The following PHF20 variants were observed in gnomAD, a reference collection of about 807,000 sequenced individuals.
PHF20 encodes the protein glioma-expressed antigen 2.
Under a neutral mutation model 113.5 loss-of-function variants are expected in PHF20, and 23 were observed. That is an observed-to-expected ratio of 0.20 (90% CI 0.15 to 0.29). The LOEUF is 0.29. Ranked by LOEUF, PHF20 falls within the 10% of genes least tolerant of loss-of-function variation. The pLI is 1.00. For missense variants in PHF20, 943 were observed against 1,219.6 expected, an observed-to-expected ratio of 0.77 and a Z score of 3.38; for synonymous variants, 434 against 457.3, an observed-to-expected ratio of 0.95 and a Z score of 0.65.
At chr20:35,912,084 G>A (rs1297968183) in intron 10 of PHF20, among the ~76,000 whole-genome samples, 2 of 150,618 alleles carry the variant, frequency 1.3e-5, no homozygotes, top group Non-Finnish European at 3.0e-5. Flanking sequence ...GTGTTCAAGC[G>A]ATTCTCCTGC....
At chr20:35,915,083 C>G (rs996769990) in intron 12 of PHF20, among the ~76,000 whole-genome samples, 1 of 147,290 alleles carries the variant, frequency 6.8e-6, no homozygotes, top group Non-Finnish European at 1.5e-5. Context: ...CACACACTTA[C>G]ACACATATAT....
In PHF20 at chr20:35,802,008, T is replaced by C. The variant is rs151005421; in HGVS notation, c.83+403T>C. 33 of 159,048 alleles carry C rather than the reference T, an allele frequency of 2.1e-4. No homozygotes were observed. In the East Asian group the frequency reaches 3.1e-3, roughly 15 times the overall value. The allele number at this position is 159,048 out of a possible 1,614,324, so 9.9% of individuals were successfully genotyped here. ...GTGTTGTGAACACCCCATCCTATTTTCTGGGCATGATCTTGTATGTTGAAA... is the reference window on the plus strand; with the variant it reads ...GTGTTGTGAACACCCCATCCTATTTCCTGGGCATGATCTTGTATGTTGAAA... On this transcript the variant is annotated intron_variant, in intron 2 of 17. Coordinates refer to ENST00000374012, the MANE Select transcript of PHF20 (RefSeq NM_016436.5).
At chr20:35,817,096 G>A (rs2042089580) in intron 2 of PHF20, among the ~76,000 whole-genome samples, 1 of 149,226 alleles carries the variant, frequency 6.7e-6, no homozygotes, top group Non-Finnish European at 1.5e-5. Flanking sequence ...GGCCATAAGT[G>A]TTGTTGTTGT....
chr20:35,794,176 C>T (rs563860273), intron 1 of PHF20, among the ~76,000 whole-genome samples: 1 of 151,672 alleles, frequency 6.6e-6, no homozygotes, highest in African/African-American at 2.4e-5. Context: ...TGGCACATAC[C>T]TGTAATCCTA....
chr20:35,802,613 C>G (rs969621503), intron 2 of PHF20, among the ~76,000 whole-genome samples: 3 of 152,100 alleles, frequency 2.0e-5, no homozygotes, highest in Non-Finnish European at 4.4e-5. Flanking sequence ...ATAGAAGCAG[C>G]TGGTACAGAA....
intron 10 of PHF20, among the ~76,000 whole-genome samples, chr20:35,903,174 T>C (rs553635645): frequency 1.3e-5 from 2 of 151,342 alleles, no homozygotes; most frequent in South Asian, 4.2e-4. Context: ...TTCTCTCTGT[T>C]AATACTGAAG....
chr20:35,879,672 C>T (rs1487847917), intron 9 of PHF20, among the ~76,000 whole-genome samples: 1 of 147,692 alleles, frequency 6.8e-6, no homozygotes, highest in African/African-American at 2.5e-5. Context: ...ATGGTGGTTA[C>T]ATGGTATATG....
chr20:35,786,651 G>A (rs531065180), intron 1 of PHF20, among the ~76,000 whole-genome samples: 3 of 152,228 alleles, frequency 2.0e-5, no homozygotes, highest in East Asian at 3.9e-4. Context: ...GCAGTGAGCC[G>A]AGATTGAGCC....
chr20:35,858,228 G>C, intron 4 of PHF20, 74 bp from the exon 5 acceptor site: 1 of 774,144 alleles, frequency 1.3e-6, no homozygotes, highest in Non-Finnish European at 2.3e-6. Context: ...GAGATCCCTT[G>C]TGTTTATACT....
chr20:35,892,143 T>C (rs1396564556), intron 9 of PHF20, among the ~76,000 whole-genome samples: 1 of 151,830 alleles, frequency 6.6e-6, no homozygotes, highest in Non-Finnish European at 1.5e-5. Flanking sequence ...CTGCAACCTT[T>C]GCCTCCCAGG....
intron 10 of PHF20, among the ~76,000 whole-genome samples, chr20:35,900,473 G>T (rs1877322882): frequency 6.6e-6 from 1 of 152,126 alleles, no homozygotes; most frequent in South Asian, 2.1e-4. Flanking sequence ...GGTGAACTCT[G>T]ACCCTCCGAG....
chr20:35,819,792 G>A (rs1410019922), intron 2 of PHF20, among the ~76,000 whole-genome samples: 2 of 152,098 alleles, frequency 1.3e-5, no homozygotes, highest in African/African-American at 2.4e-5. Context: ...GTTCAGAGAC[G>A]AGTCAAGTAT....
chr20:35,915,023 T>G (rs536548905), intron 12 of PHF20, among the ~76,000 whole-genome samples: 99 of 146,314 alleles, frequency 6.8e-4, no homozygotes, highest in African/African-American at 2.2e-3. Context: ...TATATATGTA[T>G]ATATGTAAAA....
chr20:35,785,337 G>T (rs1020302088), intron 1 of PHF20, among the ~76,000 whole-genome samples: 1 of 151,948 alleles, frequency 6.6e-6, no homozygotes, highest in Non-Finnish European at 1.5e-5. Flanking sequence ...ATTTATTTTT[G>T]AGACAGAGTT....
intron 13 of PHF20, among the ~76,000 whole-genome samples, chr20:35,925,510 C>G (rs906552071): frequency 1.3e-5 from 2 of 151,978 alleles, no homozygotes; most frequent in Non-Finnish European, 2.9e-5. Context: ...GTGATCCCCC[C>G]GCCTCGGCCT....
intron 1 of PHF20, among the ~76,000 whole-genome samples, chr20:35,789,949 G>C (rs1380579402): frequency 6.7e-6 from 1 of 148,978 alleles, no homozygotes; most frequent in African/African-American, 2.5e-5. Flanking sequence ...CCGCCTCCCG[G>C]GTTCAGGCAA....
intron 10 of PHF20, among the ~76,000 whole-genome samples, chr20:35,900,421 T>C (rs1304890573): frequency 6.6e-6 from 1 of 152,198 alleles, no homozygotes; most frequent in East Asian, 1.9e-4. Context: ...CAGTAGAGTA[T>C]ACAATCAGGT....
At chr20:35,947,340 TTCCTCCCTTGCCCCATGGA>T in intron 17 of PHF20, 126 bp from the exon 18 acceptor site, 1 of 705,816 alleles carries the variant, frequency 1.4e-6, no homozygotes, top group South Asian at 2.4e-5. Flanking sequence ...GAAATGGCCC[TTCCTCCCTTGCCCCATGGA>T]GGCTGAAATG....
chr20:35,806,483 C>CT (rs1459201690), intron 2 of PHF20, among the ~76,000 whole-genome samples: 1 of 152,022 alleles, frequency 6.6e-6, no homozygotes, highest in East Asian at 1.9e-4. Context: ...TTTAATCCAC[C>CT]TGGAATTCAT....
Sources: gnomAD v4.1 joint callset for allele counts (sites outside exome capture counted in the v4.1 genomes callset) on GRCh38, gnomAD v4.1.1 for gene constraint, MANE v1.5 for transcripts, NCBI Gene and HGNC (gene_info 2026-07-23, HGNC 2026-07-21) for gene names.